The following IMMP2L variants were observed in gnomAD, a reference collection of about 807,000 sequenced individuals.
IMMP2L encodes mitochondrial inner membrane protease subunit 2.
IMMP2L carries 18 observed loss-of-function variants against 19.3 expected under a neutral mutation model. That is an observed-to-expected ratio of 0.93 (90% CI 0.64 to 1.38). IMMP2L has a LOEUF of 1.38. Among genes scored for constraint, IMMP2L ranks in the 40% most tolerant of loss-of-function variants. The pLI is 0.00. For synonymous variants in IMMP2L, 76 were observed against 73.0 expected (o/e 1.04, Z -0.21); for missense variants, 233 against 218.2 (o/e 1.07, Z -0.43).
At chr7:111,537,032 G>C (rs1847949016) in intron 1 of IMMP2L, among the ~76,000 whole-genome samples, 1 of 151,870 alleles carries the variant, frequency 6.6e-6, no homozygotes. Flanking sequence ...CTCTTCTTTT[G>C]GTATTTACCC....
intron 3 of IMMP2L, chr7:111,124,278 T>C: frequency 6.2e-7 from 1 of 1,614,020 alleles, no homozygotes; most frequent in Non-Finnish European, 8.5e-7. Flanking sequence ...CTAACCTAGT[T>C]GGCGCTGACT....
At position 111,231,004 on chromosome 7, in the gene IMMP2L, T is replaced by C. The variant is rs545279128; in HGVS notation, c.239+256234A>G. On this transcript the variant is annotated intron_variant, in intron 3 of 5. Transcript: ENST00000405709. The stretch of plus-strand genomic sequence containing the variant: ...AACAAAATGTACAGAAGCCCTATGA[T>C]GTAGGTAAATAAGTAGTGGCTGTGT... Among the ~76,000 whole-genome samples, 101 of 148,866 alleles carry C rather than the reference T, an allele frequency of 6.8e-4. 1 individual carries two copies. Among genetic ancestry groups the C allele is most frequent in the African/African-American group, 2.4e-3 (95 of 40,310 alleles).
intron 2 of IMMP2L, chr7:111,492,426 T>C (rs1228428016): frequency 1.0e-6 from 1 of 981,026 alleles, no homozygotes; most frequent in Non-Finnish European, 1.2e-6. Context: ...ATTATCAGAC[T>C]TCCCCTCTGT....
intron 3 of IMMP2L, among the ~76,000 whole-genome samples, chr7:111,467,600 T>A (rs1444852203): frequency 5.9e-5 from 9 of 152,196 alleles, no homozygotes; most frequent in African/African-American, 2.2e-4. Context: ...ACAGAGACGG[T>A]AAGGTTAATT....
At chr7:110,858,957 T>C (rs1260698613) in intron 5 of IMMP2L, among the ~76,000 whole-genome samples, 1 of 152,158 alleles carries the variant, frequency 6.6e-6, no homozygotes, top group African/African-American at 2.4e-5. Flanking sequence ...GGCTCCATAG[T>C]ATTCAAATCA....
At chr7:111,555,244 G>T (rs957215832) in intron 1 of IMMP2L, among the ~76,000 whole-genome samples, 1 of 152,088 alleles carries the variant, frequency 6.6e-6, no homozygotes, top group Non-Finnish European at 1.5e-5. Flanking sequence ...TTTAATAAAG[G>T]AAAATGGAGT....
chr7:111,368,169 AGAATT>A (rs1377776482), intron 3 of IMMP2L, among the ~76,000 whole-genome samples: 10 of 151,908 alleles, frequency 6.6e-5, no homozygotes, highest in Non-Finnish European at 1.2e-4. Context: ...CCAGCACAAT[AGAATT>A]ATCAGGTGTA....
At chr7:111,296,991 A>C (rs547613928) in intron 3 of IMMP2L, among the ~76,000 whole-genome samples, 1 of 152,036 alleles carries the variant, frequency 6.6e-6, no homozygotes, top group Non-Finnish European at 1.5e-5. Context: ...TGGCAAAATT[A>C]TGGAGATGAA....
intron 3 of IMMP2L, among the ~76,000 whole-genome samples, chr7:111,268,221 T>A (rs1479017002): frequency 6.6e-6 from 1 of 152,032 alleles, no homozygotes; most frequent in Non-Finnish European, 1.5e-5. Flanking sequence ...AAAGCTGATA[T>A]CCCTAAAAGG....
rs139785283 is a variant in IMMP2L at position 111,490,349 on chromosome 7, C to T, written c.136-3008G>A. 5.7e-3 allele frequency among the ~76,000 whole-genome samples: 864 copies of T among 150,442 alleles called. 13 individuals are homozygous for T. Among genetic ancestry groups the T allele is most frequent in the African/African-American group, 0.02 (797 of 40,818 alleles). ...GAGCAGGATGGTCTTGAACTCCTGA[C>T]CTCAAGCAATCCTCCTGCCTTATCA... On this transcript the variant is annotated intron_variant, in intron 2 of 5. Coordinates refer to ENST00000405709, the MANE Select transcript of IMMP2L (RefSeq NM_032549.4).
At chr7:110,917,733 A>T (rs1046830563) in intron 4 of IMMP2L, among the ~76,000 whole-genome samples, 1 of 152,238 alleles carries the variant, frequency 6.6e-6, no homozygotes, top group African/African-American at 2.4e-5. Context: ...CTACATTTTT[A>T]AAAATCTCTG....
intron 2 of IMMP2L, among the ~76,000 whole-genome samples, chr7:111,504,970 A>G (rs983325295): frequency 1.4e-4 from 22 of 152,098 alleles, no homozygotes; most frequent in South Asian, 4.1e-4. Flanking sequence ...AAACTGACAA[A>G]TGGGATCTAA....
chr7:110,776,173 C>T (rs1799373324), intron 5 of IMMP2L, among the ~76,000 whole-genome samples: 1 of 151,314 alleles, frequency 6.6e-6, no homozygotes, highest in Non-Finnish European at 1.5e-5. Context: ...GTAATTCCCA[C>T]TCCAGGGCAG....
At chr7:110,746,547 A>ACAAAC (rs1797358501) in intron 5 of IMMP2L, among the ~76,000 whole-genome samples, 1 of 152,180 alleles carries the variant, frequency 6.6e-6, no homozygotes, top group African/African-American at 2.4e-5. Context: ...GCACATCATA[A>ACAAAC]TAGTCTCTCA....
intron 3 of IMMP2L, among the ~76,000 whole-genome samples, chr7:111,318,514 G>A (rs969932209): frequency 3.3e-5 from 5 of 152,076 alleles, no homozygotes; most frequent in Non-Finnish European, 5.9e-5. Context: ...CCTCAGATCA[G>A]ATGTAACCTA....
chr7:110,965,630 C>T (rs1285421653), intron 3 of IMMP2L, among the ~76,000 whole-genome samples: 2 of 151,986 alleles, frequency 1.3e-5, no homozygotes, highest in East Asian at 3.9e-4. Context: ...AAGATACTCT[C>T]TGCAGGGTTA....
intron 3 of IMMP2L, among the ~76,000 whole-genome samples, chr7:111,016,587 G>T (rs1825604019): frequency 9.2e-6 from 1 of 108,920 alleles, no homozygotes; most frequent in East Asian, 2.5e-4. Flanking sequence ...ATACATATAT[G>T]TATATATGTA....
intron 1 of IMMP2L, among the ~76,000 whole-genome samples, chr7:111,556,024 A>G (rs1161388931): frequency 5.4e-5 from 7 of 130,040 alleles, no homozygotes; most frequent in African/African-American, 1.4e-4. Context: ...GCATGTATAT[A>G]TATATATATA....
intron 1 of IMMP2L, among the ~76,000 whole-genome samples, chr7:111,521,923 TA>T (rs1554534152): frequency 2.0e-5 from 3 of 152,080 alleles, no homozygotes; most frequent in Non-Finnish European, 4.4e-5. Context: ...GTAGAAAGGA[TA>T]TAATTCTTGG....
Sources: allele counts gnomAD v4.1 joint callset (sites outside exome capture counted in the v4.1 genomes callset), GRCh38; gene constraint gnomAD v4.1.1; transcripts MANE v1.5; gene names NCBI Gene and HGNC (gene_info 2026-07-23, HGNC 2026-07-21).